SPTBN1: variants seen among roughly 807,000 people sequenced by gnomAD.
SPTBN1 encodes spectrin beta chain, non-erythrocytic 1.
SPTBN1 carries 32 observed loss-of-function variants against 266.4 expected under a neutral mutation model. The observed-to-expected ratio is 0.12, with a 90% CI of 0.09 to 0.16. The LOEUF is 0.16. SPTBN1 is among the 10% of genes least tolerant of loss of function. The pLI, the probability that SPTBN1 is intolerant of heterozygous loss-of-function variation, is 1.00. For synonymous variants in SPTBN1, 1,336 were observed against 1,162.2 expected (o/e 1.15, Z -3.04); for missense variants, 2,296 against 3,067.1 (o/e 0.75, Z 5.94).
intron 2 of SPTBN1, among the ~76,000 whole-genome samples, chr2:54,534,621 TC>T (rs1671486150): frequency 6.6e-6 from 1 of 152,244 alleles, no homozygotes. Context: ...GGTGTAGTTT[TC>T]CTCTGGTTCC....
At chr2:54,581,231 A>G (rs1674876501) in intron 2 of SPTBN1, among the ~76,000 whole-genome samples, 1 of 152,268 alleles carries the variant, frequency 6.6e-6, no homozygotes, top group Non-Finnish European at 1.5e-5. Context: ...TAACAAATTT[A>G]ATGATAATAC....
At chr2:54,610,409 G>A (rs1025538144) in intron 3 of SPTBN1, among the ~76,000 whole-genome samples, 5 of 152,212 alleles carry the variant, frequency 3.3e-5, no homozygotes, top group Middle Eastern at 3.4e-3. Flanking sequence ...CATAAAAGAT[G>A]CATTTTTAAT....
At position 54,559,000 on chromosome 2, in the gene SPTBN1, G is replaced by C; in HGVS notation, c.148+32434G>C. 1 of 1,269,666 alleles carries C rather than the reference G, an allele frequency of 7.9e-7. No homozygotes were observed. The highest frequency in any genetic ancestry group is 1.1e-6 in the Non-Finnish European group (1 of 937,046). The allele number at this position is 1,269,666 out of a possible 1,614,324, so 78.7% of individuals were successfully genotyped here. A position where few individuals can be genotyped will look rare whatever the true frequency, so the allele number is the denominator to read the frequency against. On this transcript the variant is annotated intron_variant, in intron 2 of 35. Transcript: ENST00000356805. This position sits in a 1 kb window ranked among gnomAD's most constrained non-coding sequence, Gnocchi z 4.6. ...GCTTCACAGCTCGGCCCCAGACCCT[G>C]TGGTTGGCTGCGGGCACCCCATTCA...
At chr2:54,593,752 A>G (rs1301083657) in intron 2 of SPTBN1, among the ~76,000 whole-genome samples, 1 of 151,372 alleles carries the variant, frequency 6.6e-6, no homozygotes, top group African/African-American at 2.4e-5. Context: ...CAGACCCTTT[A>G]CAAAATAAGG....
rs58085727 is a variant in SPTBN1, at chr2:54,569,978, C to A, written c.149-29114C>A. On this transcript the variant is annotated intron_variant, in intron 2 of 35. Coordinates refer to ENST00000356805, the MANE Select transcript of SPTBN1 (RefSeq NM_003128.3). ...GCACCCAACTGAAACCATTCCCCCC[C>A]CCCTTTAGAAAGATTAGAAGGTTCA... is the stretch of plus-strand genomic sequence containing the variant. Among the ~76,000 whole-genome samples the A allele has an allele frequency of 6.0e-3, 899 of 149,638 alleles. 12 individuals carry two copies. The highest frequency in any genetic ancestry group is 0.021 in the African/African-American group (855 of 41,188).
At chr2:54,492,247 T>G (rs921266000) in intron 1 of SPTBN1, among the ~76,000 whole-genome samples, 2 of 152,162 alleles carry the variant, frequency 1.3e-5, no homozygotes, top group African/African-American at 2.4e-5. Flanking sequence ...TAAAAAATTG[T>G]TTTGAAAACA....
chr2:54,519,152 C>T (rs994523547), intron 1 of SPTBN1, among the ~76,000 whole-genome samples: 5 of 152,138 alleles, frequency 3.3e-5, no homozygotes, highest in Admixed American at 6.5e-5. Flanking sequence ...TGTGCTCTCA[C>T]CTCCCAGTCC....
chr2:54,645,790 C>T lies in SPTBN1; in HGVS notation c.4495-138C>T. The T allele has an allele frequency of 1.1e-6, 1 of 872,510 alleles. No individual in the cohort carries two copies. The allele number at this position is 872,510 out of a possible 1,614,324, so 54.0% of individuals were successfully genotyped here. A position where few individuals can be genotyped will look rare whatever the true frequency, so the allele number is the denominator to read the frequency against. Reference sequence around the variant, plus strand: ...TGTCTCGGAGAACAAGGGCGTGCTTCCCCAGACAGCCCTCCCGAGGGGGCT... The same window carrying T: ...TGTCTCGGAGAACAAGGGCGTGCTTTCCCAGACAGCCCTCCCGAGGGGGCT... On this transcript the variant is annotated intron_variant, in intron 21 of 35. Coordinates refer to ENST00000356805, the MANE Select transcript of SPTBN1 (RefSeq NM_003128.3). This position sits in a 1 kb window ranked among gnomAD's most constrained non-coding sequence, Gnocchi z 4.3.
intron 2 of SPTBN1, among the ~76,000 whole-genome samples, chr2:54,555,883 C>G (rs1436808124): frequency 6.6e-6 from 1 of 152,216 alleles, no homozygotes; most frequent in African/African-American, 2.4e-5. Context: ...TCCTAGAGTT[C>G]TTCCCACCTA....
chr2:54,525,332 G>A (rs903804008), intron 1 of SPTBN1, among the ~76,000 whole-genome samples: 3 of 151,842 alleles, frequency 2.0e-5, no homozygotes, highest in Admixed American at 6.6e-5. Flanking sequence ...CAAAACCTCC[G>A]GCTCCTCGGT....
chr2:54,670,304 C>A lies in SPTBN1; in HGVS notation c.*1735C>A, dbSNP rs1419347334. The A allele has an allele frequency of 3.8e-5, 6 of 156,540 alleles. No individual in the cohort carries two copies. Among genetic ancestry groups the A allele is most frequent in the Non-Finnish European group, 5.6e-5 (4 of 71,376 alleles). 9.7% of individuals were successfully genotyped at this position (156,540 alleles called of 1,614,324 possible). A position where few individuals can be genotyped will look rare whatever the true frequency, so the allele number is the denominator to read the frequency against. ...TCGTGGGTTATTTACAAGTGACATA[C>A]TTTTCCTGGGTTATCTGGGTATGTT... is the stretch of plus-strand genomic sequence containing the variant. On this transcript the variant is annotated 3_prime_UTR_variant, in exon 36 of 36. Coordinates refer to ENST00000356805, the MANE Select transcript of SPTBN1 (RefSeq NM_003128.3).
At chr2:54,588,379 ATGTCT>A (rs1675433948) in intron 2 of SPTBN1, among the ~76,000 whole-genome samples, 1 of 151,898 alleles carries the variant, frequency 6.6e-6, no homozygotes, top group Non-Finnish European at 1.5e-5. Context: ...TGGGGAGGTG[ATGTCT>A]TGTTTTCCTC....
At position 54,644,325 on chromosome 2, in the gene SPTBN1, A is replaced by G. The variant is rs1679782089; in HGVS notation, c.4008A>G (p.Glu1336=). Reference sequence around the variant, plus strand: ...ACCATGTTGGTTTTGTTTTCCAGGAAGGAATGCAGCTCATTTCAGAAAAGC... The same window carrying G: ...ACCATGTTGGTTTTGTTTTCCAGGAGGGAATGCAGCTCATTTCAGAAAAGC... ...NKEWLDKIEK[E]GMQLISEKPE... The change falls in exon 20 of 36, where the codon GAA becomes GAG. Residue 1336 remains glutamate, a splice_region_variant and synonymous_variant. Coordinates refer to ENST00000356805, the MANE Select transcript of SPTBN1 (RefSeq NM_003128.3). 1 of 1,601,264 alleles carries G rather than the reference A, an allele frequency of 6.2e-7. No individual in the cohort carries two copies. The highest frequency in any genetic ancestry group is 1.1e-5 in the South Asian group (1 of 90,578).
chr2:54,486,736 T>TAAAAA (rs370461438), intron 1 of SPTBN1, among the ~76,000 whole-genome samples: 1 of 132,112 alleles, frequency 7.6e-6, no homozygotes, highest in Non-Finnish European at 1.7e-5. Context: ...AATAATAAAT[T>TAAAAA]AAAAAAAAAA....
Position 54,649,544 on chromosome 2 carries a change from G to A in SPTBN1, c.5203-71G>A, listed in dbSNP as rs1680131017. The A allele has an allele frequency of 1.0e-5, 16 of 1,545,692 alleles. No individual in the cohort carries two copies. The highest frequency in any genetic ancestry group is 1.3e-5 in the Non-Finnish European group (15 of 1,143,672). On this transcript the variant is annotated intron_variant, in intron 25 of 35. Coordinates refer to ENST00000356805, the MANE Select transcript of SPTBN1 (RefSeq NM_003128.3). The surrounding 1 kb of genome is among the most constrained non-coding windows in gnomAD (Gnocchi z 6.7). ...GCTTAGAGGCAGTTTCTTTCCAAAG[G>A]GTATTCATGTGATCAAGAAATACAG...
At chr2:54,594,851 T>TTTTTTTTTTTTTG (rs10673399) in intron 2 of SPTBN1, among the ~76,000 whole-genome samples, 8 of 144,870 alleles carry the variant, frequency 5.5e-5, no homozygotes, top group African/African-American at 2.0e-4. Flanking sequence ...TTTTTTTTTT[T>TTTTTTTTTTTTTG]GAGACAGAGT....
chr2:54,623,355 T>G, intron 9 of SPTBN1, 124 bp from the exon 10 acceptor site: 1 of 807,782 alleles, frequency 1.2e-6, no homozygotes, highest in Non-Finnish European at 2.1e-6. Flanking sequence ...ATAAGCAACC[T>G]ACTGATGTCT....
chr2:54,457,825 T>G (rs1693147761), intron 1 of SPTBN1, among the ~76,000 whole-genome samples: 1 of 152,212 alleles, frequency 6.6e-6, no homozygotes, highest in African/African-American at 2.4e-5. Flanking sequence ...GGAGAGTCTT[T>G]TCTTTTGGGA....
intron 1 of SPTBN1, among the ~76,000 whole-genome samples, chr2:54,494,963 G>A (rs945498443): frequency 5.9e-5 from 9 of 151,558 alleles, no homozygotes; most frequent in African/African-American, 1.9e-4. Flanking sequence ...TCCCTTGTCT[G>A]CCAATTGCAC....
Sources: gnomAD v4.1 joint callset for allele counts (sites outside exome capture counted in the v4.1 genomes callset) on GRCh38, gnomAD v4.1.1 for gene constraint, Gnocchi (gnomAD v3.1) non-coding constraint, MANE v1.5 for transcripts, NCBI Gene and HGNC (gene_info 2026-07-23, HGNC 2026-07-21) for gene names.